Variants in ACAT2 observed in about 807,000 individuals in gnomAD.
The protein encoded by ACAT2 is acetyl-CoA acetyltransferase, cytosolic.
ACAT2 carries 26 observed loss-of-function variants against 37.1 expected under a neutral mutation model. The observed-to-expected ratio is 0.70, with a 90% CI of 0.51 to 0.97. The LOEUF (loss-of-function observed/expected upper bound fraction) is 0.97. Among genes scored for constraint, ACAT2 ranks in the 50% least tolerant of loss-of-function variants. The pLI, the probability that ACAT2 is intolerant of heterozygous loss-of-function variation, is 0.00. For missense variants in ACAT2, 468 were observed against 489.0 expected (o/e 0.96, Z 0.40); for synonymous variants, 156 against 163.6 (o/e 0.95, Z 0.35).
At chr6:159,768,426 G>C in intron 3 of ACAT2, 85 bp from the exon 4 acceptor site, 3 of 1,016,952 alleles carry the variant, frequency 2.9e-6, no homozygotes, top group Non-Finnish European at 4.6e-6. Context: ...GAAGACTTAG[G>C]AAATACTAGA....
chr6:159,776,812 G>A (rs1006761086), intron 6 of ACAT2, among the ~76,000 whole-genome samples: 7 of 151,806 alleles, frequency 4.6e-5, no homozygotes, highest in South Asian at 4.2e-4. Context: ...TTTTTGAGAC[G>A]GAGCCTCACT....
intron 4 of ACAT2, among the ~76,000 whole-genome samples, chr6:159,774,126 C>T (rs1019153931): frequency 1.3e-5 from 2 of 152,210 alleles, no homozygotes; most frequent in Non-Finnish European, 2.9e-5. Context: ...ATAAGACTCA[C>T]TGAGAAAAAT....
Position 159,778,292 on chromosome 6 carries a change from C to CTGGATT in ACAT2, c.1023+12_1023+13insTGGATT. On this transcript the variant is annotated intron_variant, in intron 8 of 8. Coordinates refer to ENST00000367048, the MANE Select transcript of ACAT2 (RefSeq NM_005891.3). The stretch of plus-strand genomic sequence containing the variant: ...TAAACCCAGAGAAGGTAAAGATGCA[C>CTGGATT]AAGTAACCCTGAGAGCTTACCAGTG... The CTGGATT allele has an allele frequency of 6.4e-7, 1 of 1,555,190 alleles. No individual in the cohort carries two copies. The highest frequency in any genetic ancestry group is 8.8e-7 in the Non-Finnish European group (1 of 1,136,396).
intron 1 of ACAT2, 128 bp downstream of exon 1, chr6:159,762,270 C>T (rs1196198962): frequency 3.0e-6 from 4 of 1,313,708 alleles, no homozygotes; most frequent in East Asian, 5.1e-5. Flanking sequence ...CGCGAGGAGC[C>T]GCGGGATCCC....
chr6:159,778,875 A>T lies in ACAT2; in HGVS notation c.*46A>T. 6.2e-7 allele frequency: 1 copy of T among 1,610,782 alleles called. No homozygotes were observed. The highest frequency in any genetic ancestry group is 1.1e-5 in the South Asian group (1 of 90,842). ...CCTCAATTTCTTTTTAAACTAATAAAGTACTAGGTTGCAATATGTGAAATC... is the reference window on the plus strand; with the variant it reads ...CCTCAATTTCTTTTTAAACTAATAATGTACTAGGTTGCAATATGTGAAATC... On this transcript the variant is annotated 3_prime_UTR_variant, in exon 9 of 9. Transcript: ENST00000367048.
intron 1 of ACAT2, chr6:159,762,497 G>C: frequency 3.8e-6 from 5 of 1,308,312 alleles, no homozygotes; most frequent in Non-Finnish European, 4.9e-6. Flanking sequence ...CTGCGGCAGG[G>C]GCGGAACTGC....
intron 2 of ACAT2, among the ~76,000 whole-genome samples, chr6:159,765,735 C>G (rs1452437170): frequency 1.3e-5 from 2 of 152,160 alleles, no homozygotes; most frequent in Non-Finnish European, 2.9e-5. Context: ...TGCTCACAGC[C>G]TGAGGCACCG....
At chr6:159,767,872 G>A (rs1780279366) in intron 3 of ACAT2, among the ~76,000 whole-genome samples, 1 of 152,200 alleles carries the variant, frequency 6.6e-6, no homozygotes, top group Non-Finnish European at 1.5e-5. Flanking sequence ...TGACATCTGT[G>A]TAGTACTTTA....
intron 2 of ACAT2, among the ~76,000 whole-genome samples, chr6:159,766,399 C>CG (rs1780255940): frequency 6.6e-6 from 1 of 151,582 alleles, no homozygotes; most frequent in Non-Finnish European, 1.5e-5. Flanking sequence ...TTAAGCACCC[C>CG]CCCGCACTTT....
chr6:159,764,122 C>A (rs948887450), intron 2 of ACAT2, among the ~76,000 whole-genome samples: 9 of 151,764 alleles, frequency 5.9e-5, no homozygotes, highest in African/African-American at 2.2e-4. Flanking sequence ...GAAGAAGAAG[C>A]AGCAGCAGGG....
At chr6:159,776,020 A>T (rs1346926548) in intron 5 of ACAT2, 130 bp from the exon 6 acceptor site, 10 of 974,838 alleles carry the variant, frequency 1.0e-5, no homozygotes, top group Non-Finnish European at 1.5e-5. Context: ...GTTGTCATCA[A>T]AGTGGTCACA....
chr6:159,767,532 T>C (rs1370393573), intron 3 of ACAT2, among the ~76,000 whole-genome samples: 1 of 152,236 alleles, frequency 6.6e-6, no homozygotes, highest in Non-Finnish European at 1.5e-5. Flanking sequence ...AAACAGATGT[T>C]GCCACTTACC....
Position 159,767,118 on chromosome 6 carries a change from G to T in ACAT2, c.304G>T (p.Ala102Ser), listed in dbSNP as rs759712954. ...GTCAGGCCTAAAAGCTGTGTGCCTT[G>T]CAGTCCAGTCAATAGGGATAGGAGA... ...CGSGLKAVCL[A>S]VQSIGIGDSS... The change falls in exon 3 of 9, where the codon GCA becomes TCA. Residue 102 changes from alanine (A) to serine (S), a missense_variant. Transcript: ENST00000367048. 9.9e-6 allele frequency: 16 copies of T among 1,614,092 alleles called. No individual in the cohort carries two copies. Among genetic ancestry groups the T allele is most frequent in the African/African-American group, 1.3e-5 (1 of 74,928 alleles).
chr6:159,775,465 G>C, intron 5 of ACAT2, 152 bp downstream of exon 5: 1 of 882,090 alleles, frequency 1.1e-6, no homozygotes, highest in Non-Finnish European at 1.7e-6. Context: ...TGGGGAGGGG[G>C]TATGCTGGGT....
rs1389296987 is a variant in ACAT2 at position 159,776,060 on chromosome 6, CTCA to C, written c.635-88_635-86del. Reference sequence around the variant, plus strand: ...AAAACTTTTCTGCTAAATATGAATCCTCATGTTTAATGGCAGAGAACCCACCAT... The same window carrying C: ...AAAACTTTTCTGCTAAATATGAATCCTGTTTAATGGCAGAGAACCCACCAT... On this transcript the variant is annotated intron_variant, in intron 5 of 8. Transcript: ENST00000367048. 19 of 1,421,560 alleles carry C rather than the reference CTCA, an allele frequency of 1.3e-5. No homozygotes were observed. In the East Asian group the frequency reaches 3.7e-4, roughly 28 times the overall value. The allele number at this position is 1,421,560 out of a possible 1,614,324, so 88.1% of individuals were successfully genotyped here.
chr6:159,765,950 C>T (rs561520699), intron 2 of ACAT2, among the ~76,000 whole-genome samples: 5 of 152,316 alleles, frequency 3.3e-5, no homozygotes, highest in South Asian at 2.1e-4. Context: ...ATATCTGAAA[C>T]TGGGAATAGA....
intron 4 of ACAT2, among the ~76,000 whole-genome samples, chr6:159,769,642 C>T (rs1387587287): frequency 1.3e-5 from 2 of 152,150 alleles, no homozygotes; most frequent in Admixed American, 6.5e-5. Context: ...TTGACTAATA[C>T]TCATGTAAGA....
At chr6:159,774,260 T>C (rs921311384) in intron 4 of ACAT2, among the ~76,000 whole-genome samples, 3 of 152,166 alleles carry the variant, frequency 2.0e-5, no homozygotes, top group Admixed American at 6.5e-5. Flanking sequence ...TTCAAAAATA[T>C]CAAGCTTAAG....
chr6:159,776,718 A>T lies in ACAT2; in HGVS notation c.757+446A>T, dbSNP rs114116403. The stretch of plus-strand genomic sequence containing the variant: ...ATTTTTCCAGTACCAGAAACTCCCA[A>T]TACCTCCTTGTGAAGCCCAGGCTTA... On this transcript the variant is annotated intron_variant, in intron 6 of 8. Transcript: ENST00000367048. Among the ~76,000 whole-genome samples the T allele has an allele frequency of 2.5e-3, 388 of 152,236 alleles. 4 individuals carry two copies. The highest frequency in any genetic ancestry group is 8.8e-3 in the African/African-American group (366 of 41,548).
Sources: allele counts gnomAD v4.1 joint callset (sites outside exome capture counted in the v4.1 genomes callset), GRCh38; gene constraint gnomAD v4.1.1; transcripts MANE v1.5; gene names NCBI Gene and HGNC (gene_info 2026-07-23, HGNC 2026-07-21).